Variants in TESPA1 observed in about 807,000 individuals in gnomAD.
TESPA1 encodes the protein thymocyte expressed, positive selection associated 1.
Under a neutral mutation model 57.9 loss-of-function variants are expected in TESPA1, and 33 were observed. That is an observed-to-expected ratio of 0.57 (90% CI 0.43 to 0.76). TESPA1 has a LOEUF of 0.76. Among genes scored for constraint, TESPA1 ranks in the 30% least tolerant of loss-of-function variants. The pLI, the probability that TESPA1 is intolerant of heterozygous loss-of-function variation, is 0.00. For synonymous variants in TESPA1, 227 were observed against 228.9 expected, an observed-to-expected ratio of 0.99 and a Z score of 0.07; for missense variants, 618 against 632.9, an observed-to-expected ratio of 0.98 and a Z score of 0.25.
In TESPA1 at chr12:54,962,515, C is replaced by T. The variant is rs762741079; in HGVS notation, c.1383G>A (p.Gln461=). The T allele has an allele frequency of 1.1e-5, 17 of 1,613,492 alleles. No individual in the cohort carries two copies. The highest frequency in any genetic ancestry group is 1.4e-5 in the Non-Finnish European group (17 of 1,179,894). Residue 461 remains glutamine (Q), a synonymous_variant, in exon 9 of 11, where the codon CAG becomes CAA. Transcript: ENST00000449076. ...KVKSLDLSIT[Q]QKWKQSVDRP... ...TGTCTACACTCTGCTTCCATTTCTG[C>T]TGGGTGATGGACAGGTCCAAGGACT...
At chr12:54,961,682 C>T (rs867562524) in intron 9 of TESPA1, among the ~76,000 whole-genome samples, 42 of 152,192 alleles carry the variant, frequency 2.8e-4, no homozygotes, top group African/African-American at 9.4e-4. Flanking sequence ...CCTTCTAGAA[C>T]ATTCTTTGGT....
At chr12:54,960,560 G>C (rs772287610) in intron 10 of TESPA1, among the ~76,000 whole-genome samples, 15 of 152,174 alleles carry the variant, frequency 9.9e-5, no homozygotes, top group Non-Finnish European at 1.9e-4. Context: ...TTGGGATATT[G>C]ATTTCCATGG....
intron 3 of TESPA1, among the ~76,000 whole-genome samples, chr12:54,968,245 G>A (rs776958338): frequency 3.0e-4 from 46 of 152,112 alleles, no homozygotes; most frequent in African/African-American, 1.1e-3. Context: ...AGAAGCAGGC[G>A]TTTGCATGCC....
At chr12:54,979,252 C>T (rs560876098) in intron 1 of TESPA1, among the ~76,000 whole-genome samples, 2 of 152,234 alleles carry the variant, frequency 1.3e-5, no homozygotes, top group African/African-American at 4.8e-5. Flanking sequence ...TTTTTATTCA[C>T]TTCTTCATCA....
intron 1 of TESPA1, among the ~76,000 whole-genome samples, chr12:54,974,891 C>A (rs528784522): frequency 3.3e-5 from 5 of 152,320 alleles, no homozygotes; most frequent in African/African-American, 1.2e-4. Flanking sequence ...CTTAAAGAAT[C>A]TCTATTTCTC....
chr12:54,984,056 T>A (rs1398605450), intron 1 of TESPA1: 3 of 152,182 alleles, frequency 2.0e-5, no homozygotes, highest in Admixed American at 2.0e-4. Context: ...GCAGTTTATC[T>A]CAACAAGTTT....
At chr12:54,975,781 C>A (rs138257881) in intron 1 of TESPA1, among the ~76,000 whole-genome samples, 1 of 152,254 alleles carries the variant, frequency 6.6e-6, no homozygotes, top group East Asian at 1.9e-4. Context: ...GTGAGGCATC[C>A]AACAAAATAG....
intron 2 of TESPA1, chr12:54,973,970 C>T (rs1592411520): frequency 1.1e-6 from 1 of 919,070 alleles, no homozygotes; most frequent in Non-Finnish European, 1.3e-6. Context: ...AGGAAAGGTA[C>T]TACTACTTCA....
chr12:54,967,849 A>G lies in TESPA1; in HGVS notation c.250T>C (p.Tyr84His), dbSNP rs1008904616. 2 of 1,613,732 alleles carry G rather than the reference A, an allele frequency of 1.2e-6. No individual in the cohort carries two copies. Among genetic ancestry groups the G allele is most frequent in the Non-Finnish European group, 1.7e-6 (2 of 1,179,722 alleles). Residue 84 changes from tyrosine to histidine, a missense_variant, in exon 4 of 11, where the codon TAC becomes CAC. Transcript: ENST00000449076. ...GFSEEAGQFIYNGFCSHGTSF... is the reference protein window; with the variant it reads ...GFSEEAGQFIHNGFCSHGTSF... Reference sequence around the variant, plus strand: ...GGACAGAACCTATACTCACCATTGTAGATAAACTGTCCTGCTTCCTCAGAA... The same window carrying G: ...GGACAGAACCTATACTCACCATTGTGGATAAACTGTCCTGCTTCCTCAGAA...
intron 6 of TESPA1, 118 bp downstream of exon 6, chr12:54,966,270 T>G (rs1302070085): frequency 3.2e-6 from 5 of 1,582,320 alleles, no homozygotes; most frequent in Non-Finnish European, 4.3e-6. Flanking sequence ...GCTTGTTCGT[T>G]GGAAAGTCTC....
intron 10 of TESPA1, among the ~76,000 whole-genome samples, chr12:54,957,102 ATG>A (rs1372322306): frequency 2.0e-5 from 3 of 152,156 alleles, no homozygotes; most frequent in African/African-American, 7.2e-5. Flanking sequence ...CACTCACCCT[ATG>A]TGAATGAATT....
At chr12:54,982,812 A>G (rs1020573318) in intron 1 of TESPA1, among the ~76,000 whole-genome samples, 1 of 152,160 alleles carries the variant, frequency 6.6e-6, no homozygotes, top group African/African-American at 2.4e-5. Flanking sequence ...TCTGTCCTGC[A>G]TATATTCATT....
At position 54,979,456 on chromosome 12, in the gene TESPA1, C is replaced by T. The variant is rs375958180; in HGVS notation, c.-45-4849G>A. On this transcript the variant is annotated intron_variant, in intron 1 of 10. Coordinates refer to ENST00000449076, the MANE Select transcript of TESPA1 (RefSeq NM_001136030.3). ...AATCCGCCCAAACCCTCATGTCCCC[C>T]CTCTGCTACCATTTCCAGCCTTTTG... 1.4e-3 allele frequency among the ~76,000 whole-genome samples: 212 copies of T among 152,336 alleles called. 1 individual carries two copies. Among genetic ancestry groups the T allele is most frequent in the African/African-American group, 4.7e-3 (195 of 41,574 alleles).
At chr12:54,970,988 G>A (rs1466880909) in intron 3 of TESPA1, among the ~76,000 whole-genome samples, 1 of 152,126 alleles carries the variant, frequency 6.6e-6, no homozygotes, top group Non-Finnish European at 1.5e-5. Context: ...AGCTTAGGAG[G>A]AGAAAGAAAA....
chr12:54,968,149 G>T, intron 3 of TESPA1: 1 of 712,620 alleles, frequency 1.4e-6, no homozygotes, highest in African/African-American at 1.8e-5. Flanking sequence ...ACTAAAGGAC[G>T]AAAGTCAACT....
chr12:54,973,703 C>T (rs923579981), intron 2 of TESPA1, 184 bp from the exon 3 acceptor site: 7 of 1,344,102 alleles, frequency 5.2e-6, no homozygotes, highest in Non-Finnish European at 6.7e-6. Flanking sequence ...GATATTTCTT[C>T]TCTCTCTCTG....
At chr12:54,975,375 T>C (rs1335232982) in intron 1 of TESPA1, among the ~76,000 whole-genome samples, 1 of 152,206 alleles carries the variant, frequency 6.6e-6, no homozygotes, top group Non-Finnish European at 1.5e-5. Flanking sequence ...TCGATTCATA[T>C]TTCATGTAAC....
At chr12:54,970,118 T>C (rs1951739076) in intron 3 of TESPA1, among the ~76,000 whole-genome samples, 1 of 152,062 alleles carries the variant, frequency 6.6e-6, no homozygotes, top group Non-Finnish European at 1.5e-5. Context: ...TTTTTTTCCT[T>C]GTAGAGATGG....
chr12:54,968,054 C>G, intron 3 of TESPA1, 162 bp from the exon 4 acceptor site: 1 of 1,512,000 alleles, frequency 6.6e-7, no homozygotes, highest in Non-Finnish European at 8.8e-7. Context: ...GGTTACTTGT[C>G]TGAAAAATTC....
Sources: gnomAD v4.1 joint callset for allele counts (sites outside exome capture counted in the v4.1 genomes callset) on GRCh38, gnomAD v4.1.1 for gene constraint, MANE v1.5 for transcripts, NCBI Gene and HGNC (gene_info 2026-07-23, HGNC 2026-07-21) for gene names.